The following TJP2 variants were observed in gnomAD, a reference collection of about 807,000 sequenced individuals.
The protein encoded by TJP2 is Friedreich ataxia region gene X104 (tight junction protein ZO-2).
In TJP2, 91 loss-of-function variants were observed where a neutral mutation model predicts 133.1. The observed-to-expected ratio is 0.68, with a 90% CI of 0.58 to 0.81. The LOEUF is 0.81. Ranked by LOEUF, TJP2 falls within the 40% of genes least tolerant of loss-of-function variation. TJP2 has a pLI of 0.00. For synonymous variants in TJP2, 592 were observed against 583.4 expected (o/e 1.01, Z -0.21); for missense variants, 1,541 against 1,565.6 (o/e 0.98, Z 0.26).
At chr9:69,174,706 G>A (rs557230975) in intron 1 of TJP2, among the ~76,000 whole-genome samples, 2 of 152,320 alleles carry the variant, frequency 1.3e-5, no homozygotes, top group Non-Finnish European at 2.9e-5. Flanking sequence ...TGAACCCGGT[G>A]TCCTGGATTT....
chr9:69,168,810 A>G (rs930634609), intron 2 of TJP2, among the ~76,000 whole-genome samples: 26 of 149,330 alleles, frequency 1.7e-4, no homozygotes, highest in African/African-American at 5.9e-4. Flanking sequence ...CAAAAAAAAA[A>G]AAAAAAGAAA....
chr9:69,132,834 G>T (rs969072215), intron 1 of TJP2, among the ~76,000 whole-genome samples: 1 of 152,160 alleles, frequency 6.6e-6, no homozygotes, highest in African/African-American at 2.4e-5. Flanking sequence ...CAGAAGGCAT[G>T]AATTTTATAA....
chr9:69,202,276 G>T (rs1013936547), intron 1 of TJP2, among the ~76,000 whole-genome samples: 2 of 152,122 alleles, frequency 1.3e-5, no homozygotes, highest in African/African-American at 4.8e-5. Context: ...CAGCCCTTTT[G>T]TAAGAGCACA....
intron 1 of TJP2, among the ~76,000 whole-genome samples, chr9:69,185,136 A>C (rs1021347736): frequency 6.9e-6 from 1 of 145,654 alleles, no homozygotes; most frequent in African/African-American, 2.6e-5. Context: ...ATCTCAGCTT[A>C]CTGCGACCTC....
At chr9:69,245,047 C>A (rs1232851951) in intron 17 of TJP2, among the ~76,000 whole-genome samples, 2 of 152,148 alleles carry the variant, frequency 1.3e-5, no homozygotes, top group East Asian at 3.8e-4. Context: ...GGTACAAAAT[C>A]TCACTTCTAT....
Position 69,239,929 on chromosome 9 carries a change from G to T in TJP2, c.2356-8G>T. ...CCATTTCTCTAACTTTTCCCCTTTT[G>T]TAAACAGGATAAGCATGCACTACTG... is the stretch of plus-strand genomic sequence containing the variant. On this transcript the variant is annotated splice_region_variant and splice_polypyrimidine_tract_variant and intron_variant, in intron 16 of 22. Transcript: ENST00000377245. 1.2e-6 allele frequency: 2 copies of T among 1,612,742 alleles called. No homozygotes were observed. Among genetic ancestry groups the T allele is most frequent in the Non-Finnish European group, 1.7e-6 (2 of 1,178,822 alleles).
chr9:69,237,761 A>G, intron 14 of TJP2, 117 bp from the exon 15 acceptor site: 1 of 762,432 alleles, frequency 1.3e-6, no homozygotes. Flanking sequence ...TGAATTGGGG[A>G]GAAACCACAG....
chr9:69,176,360 C>CT (rs200206031), intron 1 of TJP2, among the ~76,000 whole-genome samples: 1,586 of 152,258 alleles, frequency 0.01, 14 homozygotes, highest in Middle Eastern at 0.071. Context: ...GCTGAAAACT[C>CT]TTAAGTGTTG....
At chr9:69,177,565 G>A (rs1825186500) in intron 1 of TJP2, among the ~76,000 whole-genome samples, 1 of 151,940 alleles carries the variant, frequency 6.6e-6, no homozygotes, top group Admixed American at 6.6e-5. Context: ...AAGGCTGTGT[G>A]ATAGCAATGG....
chr9:69,221,957 C>T (rs188569680), intron 5 of TJP2, among the ~76,000 whole-genome samples: 4 of 150,618 alleles, frequency 2.7e-5, no homozygotes, highest in East Asian at 2.0e-4. Flanking sequence ...CTGCAACCTC[C>T]GCCTCCCAGG....
Position 69,220,988 on chromosome 9 carries a change from C to G in TJP2, c.444C>G (p.Gly148=), listed in dbSNP as rs1198805271. The G allele has an allele frequency of 1.2e-6, 2 of 1,612,598 alleles. No individual in the cohort carries two copies. The highest frequency in any genetic ancestry group is 1.7e-6 in the Non-Finnish European group (2 of 1,179,832). The change falls in exon 5 of 23, where the codon GGC becomes GGG. Residue 148 remains glycine, a synonymous_variant. Transcript: ENST00000377245. ...TTGAGGTGATGGACGAGTTTGATGG[C>G]AGAAGTTTCCGGAGTGGCTACAGCG... ...RAFEVMDEFD[G]RSFRSGYSER...
At chr9:69,151,229 C>T (rs1485828057) in intron 1 of TJP2, among the ~76,000 whole-genome samples, 2 of 152,138 alleles carry the variant, frequency 1.3e-5, no homozygotes, top group Non-Finnish European at 2.9e-5. Flanking sequence ...CGCCTGTAAT[C>T]CCAGCACTTT....
intron 1 of TJP2, among the ~76,000 whole-genome samples, chr9:69,186,585 T>C (rs1390667888): frequency 6.6e-6 from 1 of 152,216 alleles, no homozygotes; most frequent in Non-Finnish European, 1.5e-5. Flanking sequence ...TGATACACAA[T>C]GCACAAAGGG....
intron 1 of TJP2, among the ~76,000 whole-genome samples, chr9:69,132,349 T>C (rs1015119714): frequency 6.6e-6 from 1 of 152,210 alleles, no homozygotes; most frequent in African/African-American, 2.4e-5. Flanking sequence ...AGTGGGTCTT[T>C]CAAAGGATAA....
At chr9:69,250,873 G>A (rs1831281122) in intron 20 of TJP2, among the ~76,000 whole-genome samples, 162 bp from the exon 21 acceptor site, 1 of 152,144 alleles carries the variant, frequency 6.6e-6, no homozygotes, top group Admixed American at 6.5e-5. Context: ...CAGGAAGCCT[G>A]GCCAGTGGCT....
intron 1 of TJP2, among the ~76,000 whole-genome samples, chr9:69,122,476 C>T (rs1822188934): frequency 6.6e-6 from 1 of 152,180 alleles, no homozygotes; most frequent in African/African-American, 2.4e-5. Context: ...AACATTTAAA[C>T]AACAAAAAAA....
intron 1 of TJP2, among the ~76,000 whole-genome samples, chr9:69,198,878 G>A (rs540346742): frequency 6.6e-6 from 1 of 152,214 alleles, no homozygotes; most frequent in South Asian, 2.1e-4. Context: ...ACCAAGAGGG[G>A]TTTAAGTTTG....
Position 69,221,237 on chromosome 9 carries a change from A to AT in TJP2, c.694dup (p.Ser232PhefsTer7). On this transcript the variant is annotated frameshift_variant, in exon 5 of 23. Transcript: ENST00000377245. LOFTEE classifies it high-confidence loss of function. ...GGGGCCTGGACCACGACTTTGGGCC[A>AT]TCCCGGGACCGGGACCGTGACCGCA... 5 of 1,607,178 alleles carry AT rather than the reference A, an allele frequency of 3.1e-6. No homozygotes were observed. Among genetic ancestry groups the AT allele is most frequent in the Non-Finnish European group, 4.2e-6 (5 of 1,177,196 alleles).
intron 1 of TJP2, among the ~76,000 whole-genome samples, chr9:69,137,245 CTCTCTTTCTTTCTTTCTTTCTTTCTT>C (rs1564372303): frequency 0.036 from 1,080 of 30,382 alleles, 21 homozygotes; most frequent in African/African-American, 0.1. Context: ...TTCTTTCTCT[CTCTCTTTCTTTCTTTCTTTCTTTCTT>C]TTTCTTTCTT....
Sources: allele counts gnomAD v4.1 joint callset (sites outside exome capture counted in the v4.1 genomes callset), GRCh38; gene constraint gnomAD v4.1.1; transcripts MANE v1.5; gene names NCBI Gene and HGNC (gene_info 2026-07-23, HGNC 2026-07-21).